Variants in KCNMA1 observed in about 807,000 individuals in gnomAD.
KCNMA1 encodes potassium calcium-activated channel subfamily M alpha 1.
A neutral mutation model predicts 140.0 loss-of-function variants in KCNMA1; 29 were observed. That is an observed-to-expected ratio of 0.21 (90% confidence interval 0.15 to 0.28). The LOEUF is 0.28. Ranked by LOEUF, KCNMA1 falls within the 10% of genes least tolerant of loss-of-function variation. KCNMA1 has a pLI of 1.00. For synonymous variants in KCNMA1, 612 were observed against 611.9 expected (o/e 1.00, Z 0.00); for missense variants, 880 against 1,602.2 (o/e 0.55, Z 7.70).
rs146393762 is a variant in KCNMA1, at chr10:76,877,794, T to G, written c.3524A>C (p.Tyr1175Ser). ...TGGAATCAAGCTGCTTGTGGATTTA[T>G]ATTGGTTGATCTGGTTAGCCATGTG... The change falls in exon 30 of 30, where the codon TAT becomes TCT. Residue 1175 changes from tyrosine to serine, a missense_variant. Coordinates refer to the KCNMA1 transcript ENST00000372403. 378 of 1,581,870 alleles carry G rather than the reference T, an allele frequency of 2.4e-4. No individual in the cohort carries two copies. In the African/African-American group the frequency reaches 4.7e-3, roughly 20 times the overall value.
At chr10:77,336,977 T>C (rs911728301) in intron 2 of KCNMA1, among the ~76,000 whole-genome samples, 1 of 152,242 alleles carries the variant, frequency 6.6e-6, no homozygotes. Context: ...AGGTCACCTC[T>C]TTCTGGAAGC....
At chr10:77,018,163 T>C (rs2092398002) in intron 17 of KCNMA1, among the ~76,000 whole-genome samples, 1 of 152,184 alleles carries the variant, frequency 6.6e-6, no homozygotes, top group Non-Finnish European at 1.5e-5. Flanking sequence ...CAATAAAGAA[T>C]GTAGCACACC....
At chr10:77,315,633 C>T (rs2080650354) in intron 2 of KCNMA1, 1 of 152,176 alleles carries the variant, frequency 6.6e-6, no homozygotes, top group South Asian at 2.1e-4. Flanking sequence ...GGCTGGTTTA[C>T]ACCACAGCTG....
intron 1 of KCNMA1, among the ~76,000 whole-genome samples, chr10:77,614,819 C>T (rs1320437921): frequency 1.3e-5 from 2 of 152,208 alleles, no homozygotes; most frequent in Non-Finnish European, 2.9e-5. Flanking sequence ...CTTGGGCTCC[C>T]CCAAGCAAGC....
chr10:77,115,952 G>A (rs2097451895), intron 6 of KCNMA1, among the ~76,000 whole-genome samples: 1 of 152,178 alleles, frequency 6.6e-6, no homozygotes, highest in Non-Finnish European at 1.5e-5. Context: ...ACCTTGCCAG[G>A]TTAAGTAGGG....
intron 1 of KCNMA1, among the ~76,000 whole-genome samples, chr10:77,611,485 A>G (rs2086856050): frequency 6.6e-6 from 1 of 152,176 alleles, no homozygotes; most frequent in Non-Finnish European, 1.5e-5. Context: ...TTCCAACTAT[A>G]TGAGTCAATG....
At chr10:76,946,065 T>TA in intron 22 of KCNMA1, among the ~76,000 whole-genome samples, 1 of 151,998 alleles carries the variant, frequency 6.6e-6, no homozygotes, top group East Asian at 1.9e-4. Flanking sequence ...TTTTTTAACA[T>TA]AAAAAATAAC....
At chr10:77,114,522 C>A (rs970146892) in intron 6 of KCNMA1, among the ~76,000 whole-genome samples, 1 of 152,234 alleles carries the variant, frequency 6.6e-6, no homozygotes, top group Admixed American at 6.5e-5. Flanking sequence ...CCCTCTTTCA[C>A]ATAAACTCTT....
chr10:77,013,418 T>C (rs1021144330), intron 17 of KCNMA1, among the ~76,000 whole-genome samples: 1 of 151,884 alleles, frequency 6.6e-6, no homozygotes, highest in African/African-American at 2.4e-5. Context: ...GTCATCTATG[T>C]CTCAAAAAAA....
At chr10:77,086,693 AG>A (rs2096699320) in intron 10 of KCNMA1, 100 bp from the exon 11 acceptor site, 3 of 820,860 alleles carry the variant, frequency 3.7e-6, no homozygotes, top group Non-Finnish European at 6.2e-6. Context: ...AGCCCTGGGG[AG>A]AGGCTGTGAC....
chr10:77,117,939 C>T (rs1288525368), intron 6 of KCNMA1, among the ~76,000 whole-genome samples: 3 of 152,210 alleles, frequency 2.0e-5, no homozygotes, highest in Admixed American at 2.0e-4. Flanking sequence ...TCATCCCATG[C>T]ACTTTAATTT....
At chr10:77,556,303 G>A (rs1351041743) in intron 1 of KCNMA1, among the ~76,000 whole-genome samples, 1 of 151,898 alleles carries the variant, frequency 6.6e-6, no homozygotes, top group Admixed American at 6.6e-5. Flanking sequence ...TTAGGAGTTC[G>A]AGACCAGCCT....
intron 1 of KCNMA1, among the ~76,000 whole-genome samples, chr10:77,553,800 A>T (rs571457274): frequency 4.6e-5 from 7 of 152,074 alleles, no homozygotes; most frequent in Admixed American, 1.3e-4. Flanking sequence ...GGCCCCACCC[A>T]AGTGTCATCT....
chr10:77,141,139 A>G (rs1448698876), intron 5 of KCNMA1, among the ~76,000 whole-genome samples: 6 of 152,180 alleles, frequency 3.9e-5, no homozygotes, highest in Non-Finnish European at 8.8e-5. Flanking sequence ...TCCTACATAC[A>G]GGACTGAGGA....
At chr10:77,397,875 T>C (rs1356232829) in intron 2 of KCNMA1, among the ~76,000 whole-genome samples, 3 of 152,170 alleles carry the variant, frequency 2.0e-5, no homozygotes, top group Non-Finnish European at 4.4e-5. Flanking sequence ...GGTATTTGAC[T>C]TCGTTTCTGA....
intron 18 of KCNMA1, among the ~76,000 whole-genome samples, chr10:77,009,137 G>A (rs1195511656): frequency 1.3e-5 from 2 of 152,156 alleles, no homozygotes; most frequent in Non-Finnish European, 2.9e-5. Flanking sequence ...AGGAGGCACA[G>A]GGATGTACAG....
At chr10:77,277,806 TACC>T (rs2067100746) in intron 2 of KCNMA1, among the ~76,000 whole-genome samples, 1 of 152,204 alleles carries the variant, frequency 6.6e-6, no homozygotes, top group African/African-American at 2.4e-5. Flanking sequence ...TGACCCCAAG[TACC>T]ACAATTGGAG....
At chr10:76,983,077 GA>G (rs1230488783) in intron 19 of KCNMA1, among the ~76,000 whole-genome samples, 1 of 152,206 alleles carries the variant, frequency 6.6e-6, no homozygotes, top group African/African-American at 2.4e-5. Flanking sequence ...CCCCTCTACA[GA>G]GAACTGGAAG....
chr10:76,896,498 G>T (rs112484126), intron 25 of KCNMA1, among the ~76,000 whole-genome samples: 1,855 of 152,258 alleles, frequency 0.012, 37 homozygotes, highest in African/African-American at 0.041. Flanking sequence ...TACATCCTCA[G>T]CTTACAAAGA....
Sources: allele counts gnomAD v4.1 joint callset (sites outside exome capture counted in the v4.1 genomes callset), GRCh38; gene constraint gnomAD v4.1.1; transcripts MANE v1.5; gene names NCBI Gene and HGNC (gene_info 2026-07-23, HGNC 2026-07-21).